Variants in PPP1R12A observed in about 807,000 individuals in gnomAD.
PPP1R12A encodes the protein myosin binding subunit.
Under a neutral mutation model 139.6 loss-of-function variants are expected in PPP1R12A, and 19 were observed. The observed-to-expected ratio is 0.14, with a 90% CI of 0.09 to 0.20. PPP1R12A has a LOEUF of 0.20. Ranked by LOEUF, PPP1R12A falls within the 10% of genes least tolerant of loss-of-function variation. The pLI, the probability that PPP1R12A is intolerant of heterozygous loss-of-function variation, is 1.00. For synonymous variants in PPP1R12A, 427 were observed against 420.6 expected (o/e 1.02, Z -0.19); for missense variants, 925 against 1,211.5 (o/e 0.76, Z 3.51).
chr12:79,911,816 T>C (rs961274989), intron 1 of PPP1R12A, among the ~76,000 whole-genome samples: 15 of 151,920 alleles, frequency 9.9e-5, no homozygotes, highest in African/African-American at 3.6e-4. Flanking sequence ...ACAACTCTCC[T>C]CTCCACCTCC....
intron 14 of PPP1R12A, among the ~76,000 whole-genome samples, chr12:79,803,344 T>A (rs1211485677): frequency 6.6e-6 from 1 of 152,162 alleles, no homozygotes; most frequent in Non-Finnish European, 1.5e-5. Context: ...AAAGAGCTGA[T>A]CATTAAAAGA....
intron 20 of PPP1R12A, among the ~76,000 whole-genome samples, 192 bp from the exon 21 acceptor site, chr12:79,788,975 T>C (rs781726124): frequency 1.3e-5 from 2 of 152,228 alleles, no homozygotes; most frequent in Non-Finnish European, 2.9e-5. Context: ...CTCACTCTGC[T>C]GCCCAGCTTG....
intron 1 of PPP1R12A, chr12:79,913,877 A>G (rs1446653037): frequency 6.6e-6 from 1 of 152,156 alleles, no homozygotes; most frequent in Non-Finnish European, 1.5e-5. Flanking sequence ...GAAGTCTACA[A>G]GGTTAATACT....
chr12:79,933,864 G>T lies in PPP1R12A; in HGVS notation c.237+831C>A, dbSNP rs188460002. On this transcript the variant is annotated intron_variant, in intron 1 of 24. Coordinates refer to ENST00000450142, the MANE Select transcript of PPP1R12A (RefSeq NM_002480.3). ...GCTTTCTTTTTTCCCAACCCCAAAA[G>T]AAAAACCAGAGCTTGGTAACCGGCT... Among the ~76,000 whole-genome samples the T allele has an allele frequency of 2.6e-3, 397 of 152,250 alleles. 1 individual carries two copies. Among genetic ancestry groups the T allele is most frequent in the African/African-American group, 8.8e-3 (364 of 41,548 alleles).
At chr12:79,811,283 G>A (rs1874497716) in intron 9 of PPP1R12A, among the ~76,000 whole-genome samples, 1 of 152,166 alleles carries the variant, frequency 6.6e-6, no homozygotes, top group Admixed American at 6.5e-5. Flanking sequence ...TATACCTCTG[G>A]TACTTCCAGT....
Position 79,788,829 on chromosome 12 carries a change from C to T in PPP1R12A, c.2667-46G>A, listed in dbSNP as rs1416305397. On this transcript the variant is annotated intron_variant, in intron 20 of 24. Transcript: ENST00000450142. ...TAAAAAACCTTGTTATAGGCTTTTA[C>T]AATTATAACAACATACATCCTAGTA... 5 of 1,480,288 alleles carry T rather than the reference C, an allele frequency of 3.4e-6. No homozygotes were observed. The East Asian group carries it at 7.4e-5, about 22-fold the overall frequency. 91.7% of individuals were successfully genotyped at this position (1,480,288 alleles called of 1,614,324 possible). A position where few individuals can be genotyped will look rare whatever the true frequency, so the allele number is the denominator to read the frequency against.
intron 1 of PPP1R12A, among the ~76,000 whole-genome samples, chr12:79,874,524 T>C (rs944959462): frequency 6.6e-5 from 10 of 152,204 alleles, no homozygotes; most frequent in South Asian, 2.1e-4. Context: ...GGGTAAATCA[T>C]TGTTATTTTT....
chr12:79,781,780 GA>G lies in PPP1R12A; in HGVS notation c.2955+34del, dbSNP rs1038348939. On this transcript the variant is annotated intron_variant, in intron 23 of 24. Coordinates refer to ENST00000450142, the MANE Select transcript of PPP1R12A (RefSeq NM_002480.3). The stretch of plus-strand genomic sequence containing the variant: ...ACCATTGTTTACCTAAAACAAGAAA[GA>G]AAAAAATAATTATTTAATAAGTGGG... 10 of 1,332,990 alleles carry G rather than the reference GA, an allele frequency of 7.5e-6. No homozygotes were observed. In the African/African-American group the frequency reaches 1.2e-4, roughly 16 times the overall value. 82.6% of individuals were successfully genotyped at this position (1,332,990 alleles called of 1,614,324 possible).
upstream of PPP1R12A, chr12:79,935,269 G>A (rs558197779): frequency 9.1e-7 from 1 of 1,098,394 alleles, no homozygotes; most frequent in Non-Finnish European, 1.1e-6. Flanking sequence ...GCCCCAGGAA[G>A]AGCGCTCCCG....
At chr12:79,779,159 C>T (rs894744774) in intron 23 of PPP1R12A, 6 of 432,830 alleles carry the variant, frequency 1.4e-5, no homozygotes, top group African/African-American at 4.1e-5. Flanking sequence ...GCAACTGCAG[C>T]GTTTATTTTA....
chr12:79,853,540 T>G (rs1202762272), intron 2 of PPP1R12A, among the ~76,000 whole-genome samples: 1 of 152,198 alleles, frequency 6.6e-6, no homozygotes, highest in African/African-American at 2.4e-5. Flanking sequence ...AATTAATCTA[T>G]TTGTGAAATG....
At chr12:79,804,777 T>C (rs1873620043) in intron 14 of PPP1R12A, among the ~76,000 whole-genome samples, 1 of 152,096 alleles carries the variant, frequency 6.6e-6, no homozygotes, top group South Asian at 2.1e-4. Flanking sequence ...ATGCATAATA[T>C]AGCAGAAAGA....
intron 5 of PPP1R12A, among the ~76,000 whole-genome samples, chr12:79,822,496 C>G (rs1185262374): frequency 6.6e-6 from 1 of 152,088 alleles, no homozygotes; most frequent in Non-Finnish European, 1.5e-5. Flanking sequence ...CAGAGTTGTA[C>G]AACTATCAAA....
At chr12:79,835,575 C>T (rs769548817) in intron 3 of PPP1R12A, among the ~76,000 whole-genome samples, 2 of 152,158 alleles carry the variant, frequency 1.3e-5, no homozygotes, top group African/African-American at 4.8e-5. Flanking sequence ...CTACTGCTAC[C>T]AGCCCTTAAC....
intron 1 of PPP1R12A, among the ~76,000 whole-genome samples, chr12:79,912,335 T>C (rs563925206): frequency 6.6e-6 from 1 of 152,298 alleles, no homozygotes; most frequent in South Asian, 2.1e-4. Flanking sequence ...TTTGCTAATC[T>C]CTGTATTCCT....
intron 24 of PPP1R12A, chr12:79,777,203 A>G (rs973724163): frequency 1.1e-6 from 1 of 917,820 alleles, no homozygotes; most frequent in Admixed American, 6.2e-5. Flanking sequence ...TCTCTCTAGT[A>G]AAGAACTGTA....
intron 3 of PPP1R12A, among the ~76,000 whole-genome samples, chr12:79,840,132 T>C (rs930727654): frequency 6.6e-6 from 1 of 152,170 alleles, no homozygotes; most frequent in African/African-American, 2.4e-5. Flanking sequence ...GACAGACCTA[T>C]AGCACTACCA....
chr12:79,852,484 C>T (rs993274662), intron 2 of PPP1R12A, among the ~76,000 whole-genome samples: 1 of 152,094 alleles, frequency 6.6e-6, no homozygotes, highest in African/African-American at 2.4e-5. Flanking sequence ...TCTTGAGTCA[C>T]CACACTCAGC....
rs1869654655 is a variant in PPP1R12A at position 79,775,889 on chromosome 12, C to A, written c.*40G>T. 1.4e-6 allele frequency: 2 copies of A among 1,406,872 alleles called. No homozygotes were observed. Among genetic ancestry groups the A allele is most frequent in the Non-Finnish European group, 1.9e-6 (2 of 1,034,290 alleles). 87.1% of individuals were successfully genotyped at this position (1,406,872 alleles called of 1,614,324 possible). On this transcript the variant is annotated 3_prime_UTR_variant, in exon 25 of 25. Coordinates refer to ENST00000450142, the MANE Select transcript of PPP1R12A (RefSeq NM_002480.3). ...CTGCCAATTATGGTCCACTGGGTTA[C>A]TAATATGTGCAATTCCATTACTTGC...
Sources: gnomAD v4.1 joint callset for allele counts (sites outside exome capture counted in the v4.1 genomes callset) on GRCh38, gnomAD v4.1.1 for gene constraint, MANE v1.5 for transcripts, NCBI Gene and HGNC (gene_info 2026-07-23, HGNC 2026-07-21) for gene names.